Variants in NXN observed in about 807,000 individuals in gnomAD.
The protein encoded by NXN is nucleoredoxin.
NXN carries 16 observed loss-of-function variants against 48.6 expected under a neutral mutation model. The ratio of observed to expected loss-of-function variants is 0.33; its 90% CI spans 0.22 to 0.50. The LOEUF (loss-of-function observed/expected upper bound fraction) is 0.50, where lower values mean the gene tolerates loss of function less well. Among genes scored for constraint, NXN ranks in the 20% least tolerant of loss-of-function variants. The probability of loss-of-function intolerance (pLI) is 0.98; values close to 1 mark genes in which losing one functional copy is unlikely to be tolerated. For missense variants in NXN, 492 were observed against 605.5 expected, an observed-to-expected ratio of 0.81 and a Z score of 1.97; for synonymous variants, 281 against 269.6, an observed-to-expected ratio of 1.04 and a Z score of -0.41.
chr17:967,563 G>A (rs1488042750), intron 1 of NXN, among the ~76,000 whole-genome samples: 1 of 152,230 alleles, frequency 6.6e-6, no homozygotes, highest in Non-Finnish European at 1.5e-5. Context: ...CAAGGAGGCA[G>A]ACCCAGGGAC....
intron 6 of NXN, 187 bp from the exon 7 acceptor site, chr17:803,993 C>T: frequency 1.4e-6 from 1 of 691,980 alleles, no homozygotes; most frequent in Non-Finnish European, 2.4e-6. Context: ...ACATGCGTCC[C>T]AGCAGCAAAG....
chr17:841,531 A>C (rs1914258841), intron 1 of NXN, among the ~76,000 whole-genome samples: 4 of 63,610 alleles, frequency 6.3e-5, no homozygotes, highest in Admixed American at 2.1e-4. Context: ...CCCCCCGACC[A>C]TGGAGCATCT....
chr17:921,578 G>A (rs1363447664), intron 1 of NXN, among the ~76,000 whole-genome samples: 2 of 152,132 alleles, frequency 1.3e-5, no homozygotes, highest in African/African-American at 2.4e-5. Context: ...CTGTCCCGAA[G>A]ATGAGTCCAT....
intron 1 of NXN, among the ~76,000 whole-genome samples, chr17:944,615 C>T (rs1173291010): frequency 3.3e-5 from 5 of 152,160 alleles, no homozygotes; most frequent in Non-Finnish European, 7.4e-5. Context: ...GCAAATCATT[C>T]AGTTCTGAAA....
At chr17:900,346 G>C (rs1306358470) in intron 1 of NXN, among the ~76,000 whole-genome samples, 1 of 152,160 alleles carries the variant, frequency 6.6e-6, no homozygotes, top group African/African-American at 2.4e-5. Context: ...GCATTTTATA[G>C]ATGGAGAAAT....
intron 1 of NXN, among the ~76,000 whole-genome samples, chr17:861,926 C>T (rs1228645750): frequency 3.3e-5 from 5 of 151,994 alleles, no homozygotes; most frequent in Non-Finnish European, 1.5e-5. Context: ...GTCTCCTGGG[C>T]TCAAGCAATC....
intron 1 of NXN, among the ~76,000 whole-genome samples, chr17:882,041 G>A (rs2068290169): frequency 6.6e-6 from 1 of 151,696 alleles, no homozygotes; most frequent in Non-Finnish European, 1.5e-5. Flanking sequence ...TATAACAGCT[G>A]TTCAAACACA....
At chr17:945,603 C>G (rs1454708599) in intron 1 of NXN, among the ~76,000 whole-genome samples, 3 of 146,136 alleles carry the variant, frequency 2.1e-5, no homozygotes, top group African/African-American at 7.8e-5. Context: ...TGCACTCCAG[C>G]CTGGGCGAGA....
chr17:867,946 G>A (rs895192199), intron 1 of NXN, among the ~76,000 whole-genome samples: 1 of 151,858 alleles, frequency 6.6e-6, no homozygotes, highest in African/African-American at 2.4e-5. Flanking sequence ...TGCAGAAGCT[G>A]TTCAGATGTA....
chr17:858,555 A>C (rs1186997469), intron 1 of NXN, among the ~76,000 whole-genome samples: 1 of 151,620 alleles, frequency 6.6e-6, no homozygotes, highest in Non-Finnish European at 1.5e-5. Flanking sequence ...GTGAAACCCC[A>C]TCTCTACTAA....
intron 5 of NXN, among the ~76,000 whole-genome samples, chr17:812,028 C>A (rs958537212): frequency 6.7e-6 from 1 of 150,352 alleles, no homozygotes; most frequent in Non-Finnish European, 1.5e-5. Context: ...CCCGGGTTCA[C>A]GCCATTCTCC....
intron 1 of NXN, among the ~76,000 whole-genome samples, chr17:867,620 C>T (rs1298360887): frequency 3.3e-5 from 5 of 152,084 alleles, no homozygotes; most frequent in Admixed American, 6.6e-5. Flanking sequence ...CAGTTTAACA[C>T]GTGGAAGATT....
chr17:853,882 C>T (rs948759664), intron 1 of NXN, among the ~76,000 whole-genome samples: 6 of 151,798 alleles, frequency 4.0e-5, no homozygotes, highest in South Asian at 2.1e-4. Flanking sequence ...CGCCACCACA[C>T]GGCTAAGTTT....
intron 5 of NXN, among the ~76,000 whole-genome samples, chr17:808,667 T>G (rs1382088155): frequency 1.4e-5 from 2 of 140,518 alleles, no homozygotes; most frequent in African/African-American, 5.2e-5. Flanking sequence ...TGGCTATTAT[T>G]ATAAACCAGT....
chr17:871,696 C>G (rs959310342), intron 1 of NXN, among the ~76,000 whole-genome samples: 2 of 152,144 alleles, frequency 1.3e-5, no homozygotes, highest in African/African-American at 4.8e-5. Flanking sequence ...AGCCACCGCG[C>G]CCAGCTGCAT....
At chr17:840,166 T>C (rs12951608) in intron 1 of NXN, among the ~76,000 whole-genome samples, 7,326 of 151,984 alleles carry the variant, frequency 0.048, 295 homozygotes, top group East Asian at 0.24. Context: ...AATATGATGT[T>C]CCCTGTAACC....
intron 1 of NXN, among the ~76,000 whole-genome samples, chr17:940,142 C>T (rs1179414897): frequency 6.6e-6 from 1 of 150,878 alleles, no homozygotes; most frequent in Non-Finnish European, 1.5e-5. Context: ...GTGGGGGGGT[C>T]TCAGTATGTT....
intron 1 of NXN, among the ~76,000 whole-genome samples, chr17:883,020 T>C (rs549652674): frequency 5.3e-5 from 8 of 152,242 alleles, no homozygotes; most frequent in African/African-American, 7.2e-5. Flanking sequence ...TCCTAAAGCA[T>C]TGGGATTACA....
At chr17:857,124 T>A (rs2067994012) in intron 1 of NXN, among the ~76,000 whole-genome samples, 2 of 152,172 alleles carry the variant, frequency 1.3e-5, no homozygotes, top group South Asian at 4.1e-4. Context: ...TTTCTTTCTC[T>A]CAGTTGTGGT....
Sources: allele counts gnomAD v4.1 joint callset (sites outside exome capture counted in the v4.1 genomes callset), GRCh38; gene constraint gnomAD v4.1.1; transcripts MANE v1.5; gene names NCBI Gene and HGNC (gene_info 2026-07-23, HGNC 2026-07-21).